CHD8: variants seen among roughly 807,000 people sequenced by gnomAD.
CHD8 encodes the protein chromodomain helicase DNA binding protein 8.
Under a neutral mutation model 279.2 loss-of-function variants are expected in CHD8, and 31 were observed. The ratio of observed to expected loss-of-function variants is 0.11; its 90% CI spans 0.08 to 0.15. CHD8 has a LOEUF of 0.15. CHD8 is among the 10% of genes least tolerant of loss of function. The pLI is 1.00. For missense variants in CHD8, 2,146 were observed against 3,230.5 expected (o/e 0.66, Z 8.14); for synonymous variants, 1,081 against 1,139.6 (o/e 0.95, Z 1.04).
chr14:21,440,554 G>A (rs887417798), intron 1 of CHD8, among the ~76,000 whole-genome samples: 3 of 152,158 alleles, frequency 2.0e-5, no homozygotes, highest in African/African-American at 7.2e-5. Context: ...AGGTGGGAGG[G>A]AAAGGTGGGC....
intron 5 of CHD8, among the ~76,000 whole-genome samples, chr14:21,420,448 G>A (rs947750810): frequency 8.5e-5 from 13 of 152,148 alleles, no homozygotes; most frequent in Non-Finnish European, 1.8e-4. Context: ...AGTGGGAAGT[G>A]AGCCATCTGT....
In CHD8 at chr14:21,401,052, G is replaced by A. The variant is rs1264111132; in HGVS notation, c.4193C>T (p.Thr1398Ile). 3 of 1,609,116 alleles carry A rather than the reference G, an allele frequency of 1.9e-6. No homozygotes were observed. The highest frequency in any genetic ancestry group is 2.5e-6 in the Non-Finnish European group (3 of 1,177,996). ...GCGCGTTTGTTTTCGTACTCTAGGT[G>A]TGTCAATTACCAAATTATTCTATGA... is the stretch of plus-strand genomic sequence containing the variant. ...LNSKNNLVID[T>I]PRVRKQTRHF... is the part of the protein sequence containing the mutation. The change falls in exon 22 of 38, where the codon ACA becomes ATA. Residue 1398 changes from threonine (T) to isoleucine (I), a missense_variant. This residue lies in a region of CHD8 where 74 missense variants were observed against 91.5 expected (regional missense o/e 0.81). Transcript: ENST00000646647.
chr14:21,413,306 A>C (rs144563393), intron 9 of CHD8, among the ~76,000 whole-genome samples: 1 of 151,702 alleles, frequency 6.6e-6, no homozygotes, highest in Non-Finnish European at 1.5e-5. Flanking sequence ...AAATACACGT[A>C]TATGTTCCAC....
intron 27 of CHD8, chr14:21,397,332 T>C (rs748304659): frequency 1.9e-6 from 1 of 519,020 alleles, no homozygotes; most frequent in Admixed American, 1.9e-5. Context: ...TTAAACTCAC[T>C]GGCACCCAAA....
intron 1 of CHD8, among the ~76,000 whole-genome samples, chr14:21,454,467 G>T (rs1027118194): frequency 6.6e-6 from 1 of 152,080 alleles, no homozygotes; most frequent in Non-Finnish European, 1.5e-5. Flanking sequence ...ACAGGCACGC[G>T]TCACCATGCC....
At chr14:21,449,053 A>G (rs1890195942) in intron 1 of CHD8, among the ~76,000 whole-genome samples, 1 of 151,998 alleles carries the variant, frequency 6.6e-6, no homozygotes, top group Non-Finnish European at 1.5e-5. Context: ...GGGCGCCTGT[A>G]GTCCCAGCTA....
intron 1 of CHD8, among the ~76,000 whole-genome samples, chr14:21,442,094 A>T (rs1889991522): frequency 6.6e-6 from 1 of 152,130 alleles, no homozygotes; most frequent in South Asian, 2.1e-4. Context: ...GATAGGAAAA[A>T]CTGCAAGGCT....
Position 21,385,777 on chromosome 14 carries a change from T to C in CHD8, c.7582A>G (p.Thr2528Ala). Residue 2528 changes from threonine to alanine, a missense_variant, in exon 38 of 38, where the codon ACC becomes GCC. Thr to Ala is a moderately conservative substitution (Grantham distance 58, BLOSUM62 0). Around this residue, in one of 26 missense-constraint regions of CHD8, gnomAD observed 336 missense variants for 392.9 expected, o/e 0.86. Coordinates refer to ENST00000646647, the MANE Select transcript of CHD8 (RefSeq NM_001170629.2). ...GGTTGCAGTGGTGGCAACCGCAAGG[T>C]AGTACCAGAGGCGGTAGTCACTGGT... ...SSPVTTASGTTLRLPPLQPEE... is the reference protein window; with the variant it reads ...SSPVTTASGTALRLPPLQPEE... 6.5e-7 allele frequency: 1 copy of C among 1,546,938 alleles called. No individual in the cohort carries two copies. The highest frequency in any genetic ancestry group is 8.7e-7 in the Non-Finnish European group (1 of 1,146,514).
intron 13 of CHD8, 118 bp from the exon 14 acceptor site, chr14:21,407,150 C>T (rs1888285938): frequency 1.4e-6 from 1 of 698,518 alleles, no homozygotes; most frequent in Admixed American, 3.2e-5. Flanking sequence ...TGCACCACCA[C>T]CCACCTCCAC....
chr14:21,442,650 A>T (rs1384597278), intron 1 of CHD8, among the ~76,000 whole-genome samples: 1 of 102,998 alleles, frequency 9.7e-6, no homozygotes, highest in Admixed American at 1.1e-4. Flanking sequence ...GGAGGAGAGG[A>T]GAGGGGAGGA....
intron 5 of CHD8, among the ~76,000 whole-genome samples, chr14:21,424,777 T>C (rs950737396): frequency 8.5e-5 from 13 of 152,194 alleles, no homozygotes; most frequent in African/African-American, 3.1e-4. Context: ...GGCCCAGCTA[T>C]TCTTACACAG....
At chr14:21,416,341 C>G (rs1426611171) in intron 5 of CHD8, 1 of 153,500 alleles carries the variant, frequency 6.5e-6, no homozygotes, top group South Asian at 2.1e-4. Context: ...CTGCCACTTA[C>G]TTTTTTATTT....
At chr14:21,432,799 C>A (rs1209663409) in intron 1 of CHD8, among the ~76,000 whole-genome samples, 2 of 152,196 alleles carry the variant, frequency 1.3e-5, no homozygotes, top group Non-Finnish European at 2.9e-5. Flanking sequence ...GATCCCTCCA[C>A]CTCCTTTAAA....
In CHD8 at chr14:21,405,482, G is replaced by A. The variant is rs763770830; in HGVS notation, c.3052-18C>T. The stretch of plus-strand genomic sequence containing the variant: ...TTTTGAACCTGTGGTCCATTACAGA[G>A]AGAAAAATAAATCAATAAGATGAGG... On this transcript the variant is annotated intron_variant, in intron 15 of 37. Transcript: ENST00000646647. The surrounding 1 kb of genome is among the most constrained non-coding windows in gnomAD (Gnocchi z 4.2). 2.5e-6 allele frequency: 4 copies of A among 1,594,238 alleles called. No individual in the cohort carries two copies. Among genetic ancestry groups the A allele is most frequent in the Non-Finnish European group, 3.4e-6 (4 of 1,170,236 alleles).
intron 25 of CHD8, 34 bp from the exon 26 acceptor site, chr14:21,399,739 A>G (rs767728049): frequency 4.3e-6 from 6 of 1,401,864 alleles, no homozygotes; most frequent in Non-Finnish European, 4.1e-6. Context: ...CAGCACAGAA[A>G]TGCAGGAAAT....
chr14:21,423,282 T>C (rs987624005), intron 5 of CHD8, among the ~76,000 whole-genome samples: 2 of 152,180 alleles, frequency 1.3e-5, no homozygotes, highest in African/African-American at 2.4e-5. Flanking sequence ...GTAAGTCCAA[T>C]ATCAAGGTGC....
At chr14:21,394,772 T>C (rs1313786567) in intron 30 of CHD8, 140 bp downstream of exon 30, 1 of 862,986 alleles carries the variant, frequency 1.2e-6, no homozygotes, top group African/African-American at 1.7e-5. Context: ...GAGGTTTTAA[T>C]TTCTACAGGT....
intron 37 of CHD8, among the ~76,000 whole-genome samples, chr14:21,388,480 T>G (rs934640805): frequency 3.3e-5 from 5 of 151,622 alleles, no homozygotes; most frequent in African/African-American, 1.2e-4. Flanking sequence ...AAATACTACA[T>G]GATTTTATTT....
At chr14:21,437,809 C>T (rs1889850183) in intron 1 of CHD8, among the ~76,000 whole-genome samples, 1 of 152,168 alleles carries the variant, frequency 6.6e-6, no homozygotes, top group African/African-American at 2.4e-5. Context: ...CACTGTGACC[C>T]TTCAATACCA....
Sources: gnomAD v4.1 joint callset for allele counts (sites outside exome capture counted in the v4.1 genomes callset) on GRCh38, gnomAD v4.1.1 for gene constraint, gnomAD v4.1.1 regional missense constraint, Gnocchi (gnomAD v3.1) non-coding constraint, MANE v1.5 for transcripts, NCBI Gene and HGNC (gene_info 2026-07-23, HGNC 2026-07-21) for gene names.